PCDH15: variants seen among roughly 807,000 people sequenced by gnomAD.
PCDH15 encodes the protein protocadherin related 15, also known as protocadherin-15.
PCDH15 carries 129 observed loss-of-function variants against 178.5 expected under a neutral mutation model. The ratio of observed to expected loss-of-function variants is 0.72; its 90% CI spans 0.63 to 0.84. PCDH15 has a LOEUF of 0.84. Ranked by LOEUF, PCDH15 falls within the 40% of genes least tolerant of loss-of-function variation. The pLI, the probability that PCDH15 is intolerant of heterozygous loss-of-function variation, is 0.00. For missense variants in PCDH15, 2,230 were observed against 2,099.9 expected, an observed-to-expected ratio of 1.06 and a Z score of -1.21; for synonymous variants, 800 against 732.0, an observed-to-expected ratio of 1.09 and a Z score of -1.50.
At chr10:55,617,544 C>CT (rs1395650192) in intron 2 of PCDH15, among the ~76,000 whole-genome samples, 3 of 151,992 alleles carry the variant, frequency 2.0e-5, no homozygotes, top group African/African-American at 7.2e-5. Context: ...AATGTAAGAT[C>CT]TGACATAACC....
intron 23 of PCDH15, among the ~76,000 whole-genome samples, chr10:53,951,591 C>T (rs2087054094): frequency 6.6e-6 from 1 of 152,212 alleles, no homozygotes; most frequent in Non-Finnish European, 1.5e-5. Context: ...AGATTTGTTA[C>T]AATTTGAGAT....
intron 8 of PCDH15, among the ~76,000 whole-genome samples, chr10:54,293,987 T>G (rs537479769): frequency 6.6e-6 from 1 of 152,326 alleles, no homozygotes; most frequent in South Asian, 2.1e-4. Context: ...CAAAGGATTA[T>G]AAATCATGCT....
At chr10:55,099,147 T>C (rs1007122745) in intron 2 of PCDH15, among the ~76,000 whole-genome samples, 3 of 152,100 alleles carry the variant, frequency 2.0e-5, no homozygotes, top group Admixed American at 6.6e-5. Flanking sequence ...ACGCTGATCT[T>C]AAAGTTCTGG....
At chr10:55,221,743 T>A (rs954363630) in intron 1 of PCDH15, among the ~76,000 whole-genome samples, 1 of 152,094 alleles carries the variant, frequency 6.6e-6, no homozygotes. Flanking sequence ...GTGTAGTATA[T>A]GTCAATAACC....
intron 2 of PCDH15, among the ~76,000 whole-genome samples, chr10:55,560,441 T>C (rs1481390497): frequency 6.6e-6 from 1 of 151,920 alleles, no homozygotes; most frequent in South Asian, 2.1e-4. Context: ...CCTTAATTGA[T>C]AGTGAATTAA....
intron 2 of PCDH15, among the ~76,000 whole-genome samples, chr10:55,363,219 T>C (rs533932254): frequency 2.0e-5 from 3 of 152,318 alleles, no homozygotes; most frequent in Non-Finnish European, 4.4e-5. Flanking sequence ...CATTCTTACA[T>C]GTATCAATTT....
intron 3 of PCDH15, among the ~76,000 whole-genome samples, chr10:54,461,536 C>T (rs1463637222): frequency 6.6e-6 from 1 of 152,078 alleles, no homozygotes; most frequent in Non-Finnish European, 1.5e-5. Context: ...TTCGAGCTGC[C>T]TATAGGTCTT....
Position 53,810,540 on chromosome 10 carries a change from A to C in PCDH15, c.4671+16T>G, listed in dbSNP as rs76528829. The stretch of plus-strand genomic sequence containing the variant: ...TCTTGGAATATTATCTTACATAATA[A>C]AATTACAGTAATTACCTCTTCCTCC... On this transcript the variant is annotated intron_variant, in intron 37 of 37. Transcript: ENST00000644397. The C allele has an allele frequency of 2.6e-3, 4,193 of 1,601,150 alleles. 107 individuals carry two copies. In the East Asian group the frequency reaches 0.058, roughly 22 times the overall value.
intron 5 of PCDH15, among the ~76,000 whole-genome samples, chr10:54,354,353 C>T (rs1258701401): frequency 6.6e-6 from 1 of 152,130 alleles, no homozygotes; most frequent in Non-Finnish European, 1.5e-5. Context: ...AAATTGATTC[C>T]CACGTACATG....
intron 25 of PCDH15, among the ~76,000 whole-genome samples, chr10:53,937,916 C>T (rs1320236943): frequency 2.0e-5 from 3 of 152,088 alleles, no homozygotes; most frequent in Admixed American, 6.6e-5. Context: ...GTGAATGTTT[C>T]AGATCCTGTT....
intron 1 of PCDH15, among the ~76,000 whole-genome samples, chr10:55,212,004 A>G (rs1462427608): frequency 6.6e-6 from 1 of 152,096 alleles, no homozygotes; most frequent in East Asian, 1.9e-4. Context: ...AGCAAGTTGG[A>G]AGCTTGCACG....
chr10:54,808,835 G>A (rs367997632), intron 3 of PCDH15, among the ~76,000 whole-genome samples: 5 of 151,776 alleles, frequency 3.3e-5, no homozygotes, highest in East Asian at 3.9e-4. Context: ...GAAACAGGTA[G>A]AAATATAGAA....
At chr10:54,615,848 C>A in intron 2 of PCDH15, among the ~76,000 whole-genome samples, 1 of 152,042 alleles carries the variant, frequency 6.6e-6, no homozygotes, top group South Asian at 2.1e-4. Context: ...AACATAAATA[C>A]AGAGATAAGT....
chr10:55,370,584 C>T (rs552095921), intron 2 of PCDH15, among the ~76,000 whole-genome samples: 1 of 152,180 alleles, frequency 6.6e-6, no homozygotes, highest in East Asian at 1.9e-4. Context: ...TATTCAGAAT[C>T]GCTTCTGAAG....
At chr10:54,353,605 T>C (rs939792501) in intron 5 of PCDH15, among the ~76,000 whole-genome samples, 1 of 152,194 alleles carries the variant, frequency 6.6e-6, no homozygotes, top group South Asian at 2.1e-4. Flanking sequence ...TGGACTTCAA[T>C]AGAGTGTGTA....
At chr10:54,418,878 C>T (rs1954830491) in intron 3 of PCDH15, among the ~76,000 whole-genome samples, 2 of 151,780 alleles carry the variant, frequency 1.3e-5, no homozygotes, top group Non-Finnish European at 1.5e-5. Flanking sequence ...ATATTTGCAA[C>T]ATTCACTTCA....
intron 8 of PCDH15, among the ~76,000 whole-genome samples, chr10:54,256,353 G>A (rs1306279924): frequency 6.6e-6 from 1 of 152,160 alleles, no homozygotes; most frequent in Non-Finnish European, 1.5e-5. Context: ...CAGATGGTCA[G>A]CTTTACTTAG....
At chr10:53,843,461 C>A (rs1338196614) in intron 28 of PCDH15, among the ~76,000 whole-genome samples, 1 of 151,890 alleles carries the variant, frequency 6.6e-6, no homozygotes, top group African/African-American at 2.4e-5. Context: ...GTTTATCTAA[C>A]CCATAATATT....
At chr10:54,577,147 A>C (rs2133714099) in intron 2 of PCDH15, among the ~76,000 whole-genome samples, 1 of 151,732 alleles carries the variant, frequency 6.6e-6, no homozygotes, top group East Asian at 1.9e-4. Flanking sequence ...CAGTGACGCG[A>C]TCTCGGCTCA....
Sources: allele counts gnomAD v4.1 joint callset (sites outside exome capture counted in the v4.1 genomes callset), GRCh38; gene constraint gnomAD v4.1.1; transcripts MANE v1.5; gene names NCBI Gene and HGNC (gene_info 2026-07-23, HGNC 2026-07-21).